Variants in NDUFAF3 observed in about 807,000 individuals in gnomAD.
NDUFAF3 encodes NADH dehydrogenase [ubiquinone] 1 alpha subcomplex assembly factor 3.
Under a neutral mutation model 22.6 loss-of-function variants are expected in NDUFAF3, and 21 were observed. That is an observed-to-expected ratio of 0.93 (90% CI 0.66 to 1.34). NDUFAF3 has a LOEUF of 1.34. NDUFAF3 is among the 40% of genes most tolerant of loss of function. The pLI is 0.00. For missense variants in NDUFAF3, 251 were observed against 248.4 expected (o/e 1.01, Z -0.07); for synonymous variants, 113 against 104.9 (o/e 1.08, Z -0.47).
upstream of NDUFAF3, chr3:49,020,626 G>A: frequency 2.1e-6 from 1 of 486,646 alleles, no homozygotes; most frequent in South Asian, 1.5e-5. Context: ...TCAGGCAGGA[G>A]AGCAGGGGAC....
Position 49,022,891 on chromosome 3 carries a change from G to C in NDUFAF3, c.353G>C (p.Gly118Ala). 1 of 1,614,016 alleles carries C rather than the reference G, an allele frequency of 6.2e-7. No homozygotes were observed. The highest frequency in any genetic ancestry group is 8.5e-7 in the Non-Finnish European group (1 of 1,180,030). The change falls in exon 4 of 5, where the codon GGG becomes GCG. Residue 118 changes from glycine to alanine, a missense_variant. Physicochemically the swap from Gly to Ala is moderately conservative, Grantham distance 60. Transcript: ENST00000326925. The surrounding 1 kb of genome is among the most constrained non-coding windows in gnomAD (Gnocchi z 6.6). ...CCTTCCCTAGAGATCGTGGTGGTGG[G>C]GACTGGAGACCGGACCGAGAGGCTG... is the stretch of plus-strand genomic sequence containing the variant. The part of the protein sequence containing the change: ...LEPRIEIVVV[G>A]TGDRTERLQS...
rs1490281636 is a variant in NDUFAF3, at chr3:49,022,531, A to G, written c.263A>G (p.Gln88Arg). The G allele has an allele frequency of 1.9e-6, 3 of 1,613,254 alleles. No homozygotes were observed. The Middle Eastern group carries it at 4.9e-4, about 266-fold the overall frequency. ...PCALLPHSVV[Q>R]WNVGSHQDIT... is the part of the protein sequence containing the mutation. The stretch of plus-strand genomic sequence containing the variant: ...GCTCTGCTCCCGCACTCGGTGGTGC[A>G]GTGGAACGTGAGTCCTGGCCCGCAG... Residue 88 changes from glutamine (Q) to arginine (R), a missense_variant, in exon 2 of 5, where the codon CAG becomes CGG. Gln to Arg is a conservative substitution (Grantham distance 43). Transcript: ENST00000326925. The surrounding 1 kb of genome is among the most constrained non-coding windows in gnomAD (Gnocchi z 6.6).
upstream of NDUFAF3, chr3:49,021,477 C>G (rs1000722810): frequency 6.5e-6 from 1 of 154,522 alleles, no homozygotes; most frequent in Non-Finnish European, 1.4e-5. The surrounding 1 kb of genome is among the most constrained non-coding windows in gnomAD (Gnocchi z 4.1). Flanking sequence ...CACCCAAACA[C>G]TATCACAGCT....
In NDUFAF3 at chr3:49,023,220, G is replaced by A. The variant is rs769240717; in HGVS notation, c.*48G>A. ...ACTGCACTCTGCCAGGCTTCCCAAT[G>A]CTTTCACTCTTATCTACCCTTTGGC... On this transcript the variant is annotated 3_prime_UTR_variant, in exon 5 of 5. Coordinates refer to ENST00000326925, the MANE Select transcript of NDUFAF3 (RefSeq NM_199069.2). The A allele has an allele frequency of 5.2e-6, 7 of 1,357,448 alleles. No homozygotes were observed. The East Asian group carries it at 1.4e-4, about 27-fold the overall frequency. 84.1% of individuals were successfully genotyped at this position (1,357,448 alleles called of 1,614,324 possible).
At position 49,023,474 on chromosome 3, in the gene NDUFAF3, C is replaced by T. The variant is rs2093181431; in HGVS notation, c.*302C>T. ...TGCTCACATGCAGATTTGAGAGGAC[C>T]TCAACGGCTTTTCTCACAAAATCGC... On this transcript the variant is annotated 3_prime_UTR_variant, in exon 5 of 5. Transcript: ENST00000326925. 6.8e-6 allele frequency: 3 copies of T among 442,366 alleles called. No individual in the cohort carries two copies. The highest frequency in any genetic ancestry group is 4.7e-5 in the East Asian group (1 of 21,376). 27.4% of individuals were successfully genotyped at this position (442,366 alleles called of 1,614,324 possible).
Position 49,023,193 on chromosome 3 carries a change from T to C in NDUFAF3, c.*21T>C. 6.4e-7 allele frequency: 1 copy of C among 1,566,080 alleles called. No homozygotes were observed. Among genetic ancestry groups the C allele is most frequent in the Non-Finnish European group, 8.8e-7 (1 of 1,136,776 alleles). ...AATGAACCGCCAGGAACTGACCTGC[T>C]GACTGCACTCTGCCAGGCTTCCCAA... On this transcript the variant is annotated 3_prime_UTR_variant, in exon 5 of 5. Coordinates refer to ENST00000326925, the MANE Select transcript of NDUFAF3 (RefSeq NM_199069.2).
Position 49,022,218 on chromosome 3 carries a change from C to T in NDUFAF3, c.74C>T (p.Pro25Leu), listed in dbSNP as rs368575094. 136 of 1,610,842 alleles carry T rather than the reference C, an allele frequency of 8.4e-5. No homozygotes were observed. Among genetic ancestry groups the T allele is most frequent in the Non-Finnish European group, 1.1e-4 (128 of 1,179,676 alleles). ...CTGCGCTGTCCGCCCGTTGAGCTTC[C>T]CTGGTGAGCTTGGACCCCGCGCCCT... ...PSLRCPPVEL[P>L]WAPRRGHRLS... Residue 25 changes from proline (P) to leucine (L), a missense_variant, in exon 1 of 5, where the codon CCC becomes CTC. Physicochemically the swap from Pro to Leu is moderately conservative, Grantham distance 98. Transcript: ENST00000326925. The surrounding 1 kb of genome is among the most constrained non-coding windows in gnomAD (Gnocchi z 6.6).
chr3:49,022,597 T>C lies in NDUFAF3; in HGVS notation c.270+59T>C, dbSNP rs949064839. 1.2e-5 allele frequency: 19 copies of C among 1,613,270 alleles called. No individual in the cohort carries two copies. The highest frequency in any genetic ancestry group is 1.6e-5 in the Non-Finnish European group (19 of 1,179,570). On this transcript the variant is annotated intron_variant, in intron 2 of 4. Transcript: ENST00000326925. The surrounding 1 kb of genome is among the most constrained non-coding windows in gnomAD (Gnocchi z 6.6). ...CCAGAGTCACAGGCCCTCACCCTGC[T>C]TGGTCCCTGCAAACTTGGCTTTCCT...
chr3:49,023,078 A>G lies in NDUFAF3; in HGVS notation c.461A>G (p.Asn154Ser). 6.2e-7 allele frequency: 1 copy of G among 1,614,178 alleles called. No individual in the cohort carries two copies. Among genetic ancestry groups the G allele is most frequent in the Non-Finnish European group, 8.5e-7 (1 of 1,180,030 alleles). ...CAGCCCAATGCCTGTGCCACCTTCA[A>G]CTTCCTGTGTCATGAAGGCCGAGTA... Reference protein sequence around the residue: ...QDTPNACATFNFLCHEGRVTG... With the variant: ...QDTPNACATFSFLCHEGRVTG... Residue 154 changes from asparagine (N) to serine (S), a missense_variant, in exon 5 of 5, where the codon AAC (asparagine) becomes AGC (serine). By Grantham distance (46) the Asn-to-Ser change is conservative. Coordinates refer to ENST00000326925, the MANE Select transcript of NDUFAF3 (RefSeq NM_199069.2).
In NDUFAF3 at chr3:49,022,985, C is replaced by G. The variant is rs374825937; in HGVS notation, c.438+9C>G. On this transcript the variant is annotated intron_variant, in intron 4 of 4. Transcript: ENST00000326925. The surrounding 1 kb of genome is among the most constrained non-coding windows in gnomAD (Gnocchi z 6.6). ...TGGAAGTGCAGGACACGGTGAGTCC[C>G]GGGACTGGGGCATGCTGCGGGGAGC... 1 of 1,614,048 alleles carries G rather than the reference C, an allele frequency of 6.2e-7. No homozygotes were observed. Among genetic ancestry groups the G allele is most frequent in the Non-Finnish European group, 8.5e-7 (1 of 1,179,980 alleles).
Position 49,022,796 on chromosome 3 carries a change from G to A in NDUFAF3, c.337+28G>A. The A allele has an allele frequency of 6.2e-7, 1 of 1,613,468 alleles. No homozygotes were observed. Among genetic ancestry groups the A allele is most frequent in the African/African-American group, 1.3e-5 (1 of 75,006 alleles). ...ACTGGGGAAGGGGAGGGAGAACAGA[G>A]GTGTTCTGGGCCCCAGAAGGCGACC... On this transcript the variant is annotated intron_variant, in intron 3 of 4. Coordinates refer to ENST00000326925, the MANE Select transcript of NDUFAF3 (RefSeq NM_199069.2). This position sits in a 1 kb window ranked among gnomAD's most constrained non-coding sequence, Gnocchi z 6.6.
Position 49,022,393 on chromosome 3 carries a change from A to G in NDUFAF3, c.125A>G (p.Tyr42Cys), listed in dbSNP as rs1235204831. ...CTCTCGCCGGCGGATGACGAGCTGT[A>G]TCAGCGGACGCGCATCTCTCTGCTG... The part of the protein sequence containing the change: ...HRLSPADDEL[Y>C]QRTRISLLQR... Residue 42 changes from tyrosine to cysteine, a missense_variant, in exon 2 of 5, where the codon TAT becomes TGT. By Grantham distance (194) the Tyr-to-Cys change is radical (BLOSUM62 -2). Transcript: ENST00000326925. The surrounding 1 kb of genome is among the most constrained non-coding windows in gnomAD (Gnocchi z 6.6). 1 of 1,612,874 alleles carries G rather than the reference A, an allele frequency of 6.2e-7. No homozygotes were observed. Among genetic ancestry groups the G allele is most frequent in the Non-Finnish European group, 8.5e-7 (1 of 1,180,026 alleles).
upstream of NDUFAF3, chr3:49,020,601 G>A: frequency 2.1e-6 from 1 of 480,634 alleles, no homozygotes; most frequent in East Asian, 6.5e-5. Context: ...CACCCCATCT[G>A]GGCCAGGGCG....
rs994748324 is a variant in NDUFAF3, at chr3:49,023,479, C to T, written c.*307C>T. The T allele has an allele frequency of 9.3e-5, 40 of 429,522 alleles. No homozygotes were observed. The highest frequency in any genetic ancestry group is 7.2e-4 in the South Asian group (33 of 45,920). The allele number at this position is 429,522 out of a possible 1,614,324, so 26.6% of individuals were successfully genotyped here. A position where few individuals can be genotyped will look rare whatever the true frequency, so the allele number is the denominator to read the frequency against. Reference sequence around the variant, plus strand: ...ACATGCAGATTTGAGAGGACCTCAACGGCTTTTCTCACAAAATCGCTGATT... The same window carrying T: ...ACATGCAGATTTGAGAGGACCTCAATGGCTTTTCTCACAAAATCGCTGATT... On this transcript the variant is annotated 3_prime_UTR_variant, in exon 5 of 5. Coordinates refer to ENST00000326925, the MANE Select transcript of NDUFAF3 (RefSeq NM_199069.2).
In NDUFAF3 at chr3:49,023,296, T is replaced by A; in HGVS notation, c.*124T>A. On this transcript the variant is annotated 3_prime_UTR_variant, in exon 5 of 5. Transcript: ENST00000326925. ...ATTTATACACTTCTCCCATTTTGTA[T>A]CAGGTGTGTTGCTGGCCAGGAGCTG... 1.2e-6 allele frequency: 1 copy of A among 854,760 alleles called. No homozygotes were observed. Among genetic ancestry groups the A allele is most frequent in the Non-Finnish European group, 2.0e-6 (1 of 498,186 alleles). 52.9% of individuals were successfully genotyped at this position (854,760 alleles called of 1,614,324 possible).
At chr3:49,021,365 A>T (rs2093154998), upstream of NDUFAF3, 1 of 152,090 alleles carries the variant, frequency 6.6e-6, no homozygotes, top group Non-Finnish European at 1.5e-5. The surrounding 1 kb of genome is among the most constrained non-coding windows in gnomAD (Gnocchi z 4.1). Flanking sequence ...GGGACGGGGG[A>T]CTCCCAGGAC....
Position 49,022,642 on chromosome 3 carries a change from A to T in NDUFAF3, c.271-60A>T, listed in dbSNP as rs937846128. 1 of 1,611,958 alleles carries T rather than the reference A, an allele frequency of 6.2e-7. No individual in the cohort carries two copies. The highest frequency in any genetic ancestry group is 8.5e-7 in the Non-Finnish European group (1 of 1,178,216). ...TTTCCTCTGTCTCCTCCTGCAGTGG[A>T]TGGAGATGGGGAGAGGCTGCGTGGA... On this transcript the variant is annotated intron_variant, in intron 2 of 4. Coordinates refer to ENST00000326925, the MANE Select transcript of NDUFAF3 (RefSeq NM_199069.2). The surrounding 1 kb of genome is among the most constrained non-coding windows in gnomAD (Gnocchi z 6.6).
Position 49,022,148 on chromosome 3 carries a change from G to T in NDUFAF3, c.4G>T (p.Ala2Ser). Reference sequence around the variant, plus strand: ...CTTCGCCGCGCGTTGGTCAGCCATGGCCACCGCTCTCGCGCTACGTAGCTT... The same window carrying T: ...CTTCGCCGCGCGTTGGTCAGCCATGTCCACCGCTCTCGCGCTACGTAGCTT... M[A>S]TALALRSLYR... is the part of the protein sequence containing the mutation. The change falls in exon 1 of 5, where the codon GCC (alanine) becomes TCC (serine). Residue 2 changes from alanine to serine, a missense_variant. Transcript: ENST00000326925. The surrounding 1 kb of genome is among the most constrained non-coding windows in gnomAD (Gnocchi z 6.6). 1 of 1,608,598 alleles carries T rather than the reference G, an allele frequency of 6.2e-7. No homozygotes were observed. The highest frequency in any genetic ancestry group is 1.3e-5 in the African/African-American group (1 of 75,012).
At position 49,022,203 on chromosome 3, in the gene NDUFAF3, C is replaced by G. The variant is rs770435716; in HGVS notation, c.59C>G (p.Pro20Arg). ...CGAGCGCGACCCTCGCTGCGCTGTC[C>G]GCCCGTTGAGCTTCCCTGGTGAGCT... Reference protein sequence around the residue: ...LYRARPSLRCPPVELPWAPRR... With the variant: ...LYRARPSLRCRPVELPWAPRR... Residue 20 changes from proline (P) to arginine (R), a missense_variant, in exon 1 of 5, where the codon CCG becomes CGG. By Grantham distance (103) the Pro-to-Arg change is moderately radical. Coordinates refer to ENST00000326925, the MANE Select transcript of NDUFAF3 (RefSeq NM_199069.2). This position sits in a 1 kb window ranked among gnomAD's most constrained non-coding sequence, Gnocchi z 6.6. 9.9e-6 allele frequency: 16 copies of G among 1,610,848 alleles called. No homozygotes were observed. The South Asian group carries it at 1.8e-4, about 18-fold the overall frequency.
Sources: allele counts gnomAD v4.1 joint callset, GRCh38; gene constraint gnomAD v4.1.1; non-coding constraint Gnocchi (gnomAD v3.1); transcripts MANE v1.5; gene names NCBI Gene and HGNC (gene_info 2026-07-23, HGNC 2026-07-21).